NKAIN2: variants seen among roughly 807,000 people sequenced by gnomAD.
NKAIN2 encodes sodium/potassium transporting ATPase interacting 2.
A neutral mutation model predicts 32.6 loss-of-function variants in NKAIN2; 14 were observed. That is an observed-to-expected ratio of 0.43 (90% confidence interval 0.28 to 0.67). NKAIN2 has a LOEUF of 0.67. Ranked by LOEUF, NKAIN2 falls within the 30% of genes least tolerant of loss-of-function variation. The probability of loss-of-function intolerance (pLI) is 0.17; values close to 1 mark genes in which losing one functional copy is unlikely to be tolerated. For synonymous variants in NKAIN2, 80 were observed against 87.2 expected (o/e 0.92, Z 0.46); for missense variants, 198 against 258.3 (o/e 0.77, Z 1.60).
intron 1 of NKAIN2, among the ~76,000 whole-genome samples, chr6:124,020,407 G>A (rs1780811166): frequency 2.0e-5 from 3 of 152,176 alleles, no homozygotes; most frequent in South Asian, 2.1e-4. Flanking sequence ...GAAGATCAGG[G>A]ACAACACTGC....
At chr6:124,516,708 G>T (rs1778928972) in intron 3 of NKAIN2, among the ~76,000 whole-genome samples, 1 of 152,100 alleles carries the variant, frequency 6.6e-6, no homozygotes, top group African/African-American at 2.4e-5. Flanking sequence ...ATCTTAATGA[G>T]ACCTGTACCA....
At chr6:124,581,144 A>G (rs1041870142) in intron 3 of NKAIN2, among the ~76,000 whole-genome samples, 10 of 152,208 alleles carry the variant, frequency 6.6e-5, no homozygotes, top group African/African-American at 2.4e-4. Flanking sequence ...CAGAAAATCA[A>G]TAAAGAAACA....
chr6:124,624,810 T>TAGA (rs1412898153), intron 3 of NKAIN2, among the ~76,000 whole-genome samples: 3 of 152,180 alleles, frequency 2.0e-5, no homozygotes, highest in Admixed American at 6.6e-5. Context: ...TTAAAATTAT[T>TAGA]AGAAGTTTGA....
chr6:124,046,061 T>G (rs554671982), intron 1 of NKAIN2, among the ~76,000 whole-genome samples: 10 of 151,992 alleles, frequency 6.6e-5, no homozygotes, highest in Admixed American at 6.6e-5. Flanking sequence ...AAGAGAACAA[T>G]GTATTACACA....
intron 1 of NKAIN2, among the ~76,000 whole-genome samples, chr6:124,223,326 C>T (rs895179860): frequency 2.0e-5 from 3 of 149,166 alleles, no homozygotes; most frequent in African/African-American, 7.4e-5. Context: ...AGAAATAAGG[C>T]ATGTTTGTAT....
chr6:124,338,552 T>G (rs1044553449), intron 2 of NKAIN2, among the ~76,000 whole-genome samples: 2 of 152,202 alleles, frequency 1.3e-5, no homozygotes, highest in African/African-American at 4.8e-5. Flanking sequence ...TTCTAGGCGC[T>G]TAACTCATTT....
chr6:124,321,008 T>C (rs764900744), intron 2 of NKAIN2, among the ~76,000 whole-genome samples: 2 of 152,186 alleles, frequency 1.3e-5, no homozygotes, highest in Admixed American at 1.3e-4. Flanking sequence ...AGGCAGCGTA[T>C]AGGATTTCAT....
chr6:124,059,092 G>A (rs1264125906), intron 1 of NKAIN2, among the ~76,000 whole-genome samples: 1 of 150,080 alleles, frequency 6.7e-6, no homozygotes, highest in Non-Finnish European at 1.5e-5. Context: ...AATGGAAAGT[G>A]GTAAAAAAAA....
intron 3 of NKAIN2, among the ~76,000 whole-genome samples, chr6:124,460,349 T>C (rs572717950): frequency 1.3e-5 from 2 of 151,842 alleles, no homozygotes; most frequent in African/African-American, 4.8e-5. Flanking sequence ...CTGCTGCATA[T>C]GTTTTAGCCC....
At chr6:124,142,841 T>C (rs1483674909) in intron 1 of NKAIN2, among the ~76,000 whole-genome samples, 1 of 152,184 alleles carries the variant, frequency 6.6e-6, no homozygotes, top group Non-Finnish European at 1.5e-5. Flanking sequence ...ATTATAATCA[T>C]ATAAAGTGAT....
At chr6:124,142,609 T>G (rs1787201076) in intron 1 of NKAIN2, among the ~76,000 whole-genome samples, 1 of 152,146 alleles carries the variant, frequency 6.6e-6, no homozygotes, top group Non-Finnish European at 1.5e-5. Context: ...ACAGTTAAAT[T>G]TACATATTTC....
intron 3 of NKAIN2, among the ~76,000 whole-genome samples, chr6:124,422,547 A>G (rs759599895): frequency 3.9e-5 from 6 of 152,168 alleles, no homozygotes; most frequent in Non-Finnish European, 7.3e-5. Flanking sequence ...TTCTAAATTT[A>G]CAAGTGAGAT....
At chr6:123,839,444 A>G (rs1407758356) in intron 1 of NKAIN2, among the ~76,000 whole-genome samples, 1 of 152,168 alleles carries the variant, frequency 6.6e-6, no homozygotes, top group Non-Finnish European at 1.5e-5. Flanking sequence ...TCTATAAAGA[A>G]TATGTACTCC....
chr6:124,798,305 T>C (rs1780103121), intron 5 of NKAIN2, among the ~76,000 whole-genome samples: 1 of 152,170 alleles, frequency 6.6e-6, no homozygotes, highest in Admixed American at 6.5e-5. Flanking sequence ...TTATTTTACT[T>C]ATCTGGCATC....
At chr6:123,905,939 TAG>T (rs1388705241) in intron 1 of NKAIN2, among the ~76,000 whole-genome samples, 2 of 152,202 alleles carry the variant, frequency 1.3e-5, no homozygotes, top group African/African-American at 4.8e-5. Flanking sequence ...GTCATATATA[TAG>T]GTACCAGATT....
At chr6:124,352,951 G>A (rs1798796473) in intron 2 of NKAIN2, among the ~76,000 whole-genome samples, 1 of 152,086 alleles carries the variant, frequency 6.6e-6, no homozygotes, top group African/African-American at 2.4e-5. Context: ...CACACATTAA[G>A]CAGTTAGATG....
At chr6:124,124,491 T>G (rs1333883934) in intron 1 of NKAIN2, among the ~76,000 whole-genome samples, 1 of 152,166 alleles carries the variant, frequency 6.6e-6, no homozygotes, top group Admixed American at 6.5e-5. Flanking sequence ...GCTACTTCTT[T>G]TTTCCTTTTA....
chr6:124,052,772 T>C (rs1782469980), intron 1 of NKAIN2, among the ~76,000 whole-genome samples: 1 of 152,058 alleles, frequency 6.6e-6, no homozygotes, highest in Admixed American at 6.6e-5. Context: ...TCAGTTAGCA[T>C]CTGGATGAAG....
intron 3 of NKAIN2, among the ~76,000 whole-genome samples, chr6:124,455,020 A>T (rs981727203): frequency 6.6e-6 from 1 of 152,008 alleles, no homozygotes; most frequent in Non-Finnish European, 1.5e-5. Flanking sequence ...TCTACCTGAA[A>T]TTATTTAGAT....
Sources: allele counts gnomAD v4.1 joint callset (sites outside exome capture counted in the v4.1 genomes callset), GRCh38; gene constraint gnomAD v4.1.1; transcripts MANE v1.5; gene names NCBI Gene and HGNC (gene_info 2026-07-23, HGNC 2026-07-21).